Variants in PRR20G observed in about 807,000 individuals in gnomAD.
PRR20G encodes proline rich 20G.
In PRR20G at chr3:127,287,322, G is replaced by A. The variant is rs1430672281; in HGVS notation, c.44C>T (p.Pro15Leu). Among the ~76,000 whole-genome samples the A allele has an allele frequency of 1.3e-5, 2 of 152,166 alleles. No homozygotes were observed. Among genetic ancestry groups the A allele is most frequent in the Non-Finnish European group, 2.9e-5 (2 of 68,028 alleles). The change falls in exon 2 of 3, where the codon CCA becomes CTA. Residue 15 changes from proline (P) to leucine (L), a missense_variant. Coordinates refer to ENST00000465482, the MANE Select transcript of PRR20G (RefSeq NM_001362810.2). ...TAGGCGTTTGATGGTACCTTGATTT[G>A]GGGCCAGGAAGCGAGGTCGTTTCGA... ...RHSKRPRFLAPNQASGGPPTE... is the reference protein window; with the variant it reads ...RHSKRPRFLALNQASGGPPTE...
intron 2 of PRR20G, among the ~76,000 whole-genome samples, chr3:127,286,283 T>C (rs1023985912): frequency 3.0e-4 from 46 of 152,270 alleles, no homozygotes; most frequent in Middle Eastern, 3.4e-3. Context: ...ATCTAGAAGA[T>C]TATAGAAAAT....
intron 2 of PRR20G, among the ~76,000 whole-genome samples, chr3:127,286,308 G>A (rs993598588): frequency 2.0e-5 from 3 of 152,108 alleles, no homozygotes; most frequent in Non-Finnish European, 4.4e-5. Context: ...TCAAAATTTC[G>A]AGGGAAATGG....
intron 2 of PRR20G, among the ~76,000 whole-genome samples, chr3:127,285,598 A>T (rs190586572): frequency 8.1e-4 from 123 of 152,336 alleles, no homozygotes; most frequent in African/African-American, 2.9e-3. Context: ...AAACCTGTGT[A>T]GCCTAAGAAA....
At chr3:127,285,100 G>A (rs1390037459) in intron 2 of PRR20G, among the ~76,000 whole-genome samples, 1 of 152,138 alleles carries the variant, frequency 6.6e-6, no homozygotes, top group East Asian at 1.9e-4. Flanking sequence ...GTATTCCCAG[G>A]CAGCTTCACT....
intron 2 of PRR20G, among the ~76,000 whole-genome samples, chr3:127,285,061 G>T (rs2080380734): frequency 6.6e-6 from 1 of 152,180 alleles, no homozygotes; most frequent in Admixed American, 6.5e-5. Flanking sequence ...TCATAAGGGA[G>T]GTGGCTCCAT....
At chr3:127,287,216 A>T (rs1489772703) in intron 2 of PRR20G, among the ~76,000 whole-genome samples, 98 bp downstream of exon 2, 1 of 152,206 alleles carries the variant, frequency 6.6e-6, no homozygotes, top group Admixed American at 6.5e-5. Flanking sequence ...GCATTTCATA[A>T]CATGTCACAT....
chr3:127,285,509 C>T (rs1048920202), intron 2 of PRR20G, among the ~76,000 whole-genome samples: 5 of 152,036 alleles, frequency 3.3e-5, no homozygotes, highest in Non-Finnish European at 4.4e-5. Flanking sequence ...ACAGGAAGTC[C>T]GAAACTAGAC....
At chr3:127,285,689 C>T (rs1212116416) in intron 2 of PRR20G, among the ~76,000 whole-genome samples, 1 of 152,148 alleles carries the variant, frequency 6.6e-6, no homozygotes, top group Non-Finnish European at 1.5e-5. Flanking sequence ...ATCAACAAGC[C>T]CCATCCACGA....
At position 127,288,044 on chromosome 3, in the gene PRR20G, A is replaced by C. The variant is rs1314164224; in HGVS notation, c.-173T>G. ...TAGTTCGGAGCCCGGCAGAAAGCTG[A>C]CTGCTCGCGGTTACGAGAGCTCCCT... On this transcript the variant is annotated 5_prime_UTR_variant, in exon 1 of 3. Transcript: ENST00000465482. Among the ~76,000 whole-genome samples, 1 of 152,118 alleles carries C rather than the reference A, an allele frequency of 6.6e-6. No homozygotes were observed. The highest frequency in any genetic ancestry group is 1.9e-4 in the East Asian group (1 of 5,166).
chr3:127,288,001 G>A lies in PRR20G; in HGVS notation c.-130C>T, dbSNP rs934930769. On this transcript the variant is annotated 5_prime_UTR_variant, in exon 1 of 3. Transcript: ENST00000465482. Reference sequence around the variant, plus strand: ...TGCGCCCCCTACCAGGCAGGTAGGAGGGAGCACCCAGCAGTCCTAGTTCGG... The same window carrying A: ...TGCGCCCCCTACCAGGCAGGTAGGAAGGAGCACCCAGCAGTCCTAGTTCGG... Among the ~76,000 whole-genome samples, 1 of 152,138 alleles carries A rather than the reference G, an allele frequency of 6.6e-6. No individual in the cohort carries two copies. The highest frequency in any genetic ancestry group is 2.1e-4 in the South Asian group (1 of 4,824).
intron 2 of PRR20G, among the ~76,000 whole-genome samples, chr3:127,285,219 G>C (rs1238537573): frequency 6.6e-6 from 1 of 152,160 alleles, no homozygotes; most frequent in Non-Finnish European, 1.5e-5. Context: ...TTACTATCAG[G>C]TGCAAGTAAG....
At chr3:127,286,901 T>C (rs1351741108) in intron 2 of PRR20G, among the ~76,000 whole-genome samples, 2 of 152,132 alleles carry the variant, frequency 1.3e-5, no homozygotes, top group Non-Finnish European at 2.9e-5. Flanking sequence ...ACTCAAGTTA[T>C]GCAAGAGGTG....
chr3:127,286,908 G>A (rs559144549), intron 2 of PRR20G, among the ~76,000 whole-genome samples: 1 of 152,288 alleles, frequency 6.6e-6, no homozygotes, highest in African/African-American at 2.4e-5. Flanking sequence ...TTATGCAAGA[G>A]GTGCAAAGTA....
At chr3:127,287,677 GT>G (rs1481568477) in intron 1 of PRR20G, among the ~76,000 whole-genome samples, 1 of 152,200 alleles carries the variant, frequency 6.6e-6, no homozygotes, top group African/African-American at 2.4e-5. Context: ...GGCAAAGCTG[GT>G]ACCGGGGAGA....
chr3:127,287,741 G>A (rs1051854706), intron 1 of PRR20G, among the ~76,000 whole-genome samples, 138 bp downstream of exon 1: 2 of 152,172 alleles, frequency 1.3e-5, no homozygotes, highest in Non-Finnish European at 2.9e-5. Flanking sequence ...GAAAAAAGAT[G>A]GAGGATGGGG....
In PRR20G at chr3:127,286,988, G is replaced by T. The variant is rs2080390903; in HGVS notation, c.52+326C>A. Among the ~76,000 whole-genome samples the T allele has an allele frequency of 2.0e-5, 3 of 152,280 alleles. No homozygotes were observed. The South Asian group carries it at 6.2e-4, about 32-fold the overall frequency. ...GGGTGTGGGCCCTGGGATGGGTGTGGCTGGGTGAGTGGTGGTGGTGGTGGG... is the reference window on the plus strand; with the variant it reads ...GGGTGTGGGCCCTGGGATGGGTGTGTCTGGGTGAGTGGTGGTGGTGGTGGG... On this transcript the variant is annotated intron_variant, in intron 2 of 2. Transcript: ENST00000465482.
intron 2 of PRR20G, among the ~76,000 whole-genome samples, chr3:127,286,243 A>G (rs2080386791): frequency 6.6e-6 from 1 of 152,222 alleles, no homozygotes; most frequent in South Asian, 2.1e-4. Flanking sequence ...ACATGTCTCA[A>G]AAATCAGACA....
chr3:127,285,886 CCAGAGAG>C (rs2080384734), intron 2 of PRR20G, among the ~76,000 whole-genome samples: 1 of 151,976 alleles, frequency 6.6e-6, no homozygotes, highest in Admixed American at 6.6e-5. Context: ...ATTAATATCC[CCAGAGAG>C]ATAGAAGGAA....
chr3:127,285,425 C>A (rs1314229100), intron 2 of PRR20G, among the ~76,000 whole-genome samples: 3 of 152,038 alleles, frequency 2.0e-5, no homozygotes, highest in Middle Eastern at 3.2e-3. Context: ...GGAAAAAAGC[C>A]TGGGGTAGCT....
Sources: gnomAD v4.1 joint callset for allele counts (sites outside exome capture counted in the v4.1 genomes callset) on GRCh38, gnomAD v4.1.1 for gene constraint, MANE v1.5 for transcripts, NCBI Gene and HGNC (gene_info 2026-07-23, HGNC 2026-07-21) for gene names.